The following PRPF3 variants were observed in gnomAD, a reference collection of about 807,000 sequenced individuals.
PRPF3 encodes the protein pre-mRNA processing factor 3.
Under a neutral mutation model 89.2 loss-of-function variants are expected in PRPF3, and 3 were observed. The observed-to-expected ratio is 0.03, with a 90% CI of 0.02 to 0.09. PRPF3 has a LOEUF of 0.09. Ranked by LOEUF, PRPF3 falls within the 10% of genes least tolerant of loss-of-function variation. The pLI is 1.00. For missense variants in PRPF3, 463 were observed against 828.8 expected (o/e 0.56, Z 5.42); for synonymous variants, 270 against 289.1 (o/e 0.93, Z 0.67).
chr1:150,334,783 G>A (rs2101977572), intron 6 of PRPF3, 152 bp from the exon 7 acceptor site: 1 of 896,188 alleles, frequency 1.1e-6, no homozygotes, highest in Non-Finnish European at 1.7e-6. Flanking sequence ...TGGCCAGACT[G>A]GTCTTTAACT....
At position 150,352,825 on chromosome 1, in the gene PRPF3, T is replaced by C; in HGVS notation, c.1906-8T>C. ...TTGAAGTGTTTTTATTATATATCTCTTTTCTAGGGTACAGCCAAAGACCGG... is the reference window on the plus strand; with the variant it reads ...TTGAAGTGTTTTTATTATATATCTCCTTTCTAGGGTACAGCCAAAGACCGG... On this transcript the variant is annotated splice_polypyrimidine_tract_variant and splice_region_variant and intron_variant, in intron 15 of 15. Transcript: ENST00000324862. 1.2e-6 allele frequency: 2 copies of C among 1,613,850 alleles called. No homozygotes were observed. Among genetic ancestry groups the C allele is most frequent in the Non-Finnish European group, 1.7e-6 (2 of 1,179,762 alleles).
chr1:150,347,122 A>G (rs1369970657), intron 14 of PRPF3, among the ~76,000 whole-genome samples: 2 of 151,970 alleles, frequency 1.3e-5, no homozygotes, highest in African/African-American at 4.8e-5. Flanking sequence ...CTAGTAAGCT[A>G]TACATTCATG....
At chr1:150,349,572 A>G (rs1658680010) in intron 15 of PRPF3, among the ~76,000 whole-genome samples, 1 of 152,190 alleles carries the variant, frequency 6.6e-6, no homozygotes. Context: ...TGAAGGAAGT[A>G]CTAGACTTAA....
chr1:150,322,995 C>G (rs781851396), intron 1 of PRPF3, among the ~76,000 whole-genome samples: 6 of 151,568 alleles, frequency 4.0e-5, no homozygotes, highest in Non-Finnish European at 7.4e-5. Flanking sequence ...CTGTCTCAGC[C>G]TCCAGAGTAG....
intron 7 of PRPF3, among the ~76,000 whole-genome samples, 157 bp downstream of exon 7, chr1:150,335,398 T>C (rs1171720491): frequency 6.6e-6 from 1 of 152,188 alleles, no homozygotes; most frequent in East Asian, 1.9e-4. Flanking sequence ...TCATGGAAGA[T>C]AATTTTTCCC....
chr1:150,351,549 G>A (rs1446814574), intron 15 of PRPF3, among the ~76,000 whole-genome samples: 1 of 151,492 alleles, frequency 6.6e-6, no homozygotes, highest in East Asian at 1.9e-4. Context: ...TGCTCAGGCT[G>A]GTGTGCAGTG....
Position 150,352,973 on chromosome 1 carries a change from T to G in PRPF3, c.2046T>G (p.Thr682=), listed in dbSNP as rs782664652. The part of the protein sequence containing the change: ...LALSESVLES[T]D ...TGAGTGAATCTGTGTTAGAGTCCAC[T>G]GATTGAGACTACTGCAAGCCCTTGC... Residue 682 remains threonine (T), a synonymous_variant, in exon 16 of 16, where the codon ACT becomes ACG. Coordinates refer to ENST00000324862, the MANE Select transcript of PRPF3 (RefSeq NM_004698.4). The G allele has an allele frequency of 6.2e-7, 1 of 1,614,070 alleles. No individual in the cohort carries two copies. Among genetic ancestry groups the G allele is most frequent in the Non-Finnish European group, 8.5e-7 (1 of 1,179,996 alleles).
At chr1:150,335,357 T>C in intron 7 of PRPF3, 116 bp downstream of exon 7, 1 of 1,256,926 alleles carries the variant, frequency 8.0e-7, no homozygotes, top group South Asian at 1.3e-5. Flanking sequence ...AAAGCAGCAG[T>C]CCTCAACCTT....
intron 4 of PRPF3, among the ~76,000 whole-genome samples, chr1:150,332,068 C>A (rs193042969): frequency 5.7e-4 from 86 of 151,858 alleles, no homozygotes; most frequent in Admixed American, 1.1e-3. Context: ...ACTAAAAATA[C>A]AAAAAATTAG....
At chr1:150,332,794 G>T (rs1400966169) in intron 5 of PRPF3, 27 bp downstream of exon 5, 1 of 1,609,576 alleles carries the variant, frequency 6.2e-7, no homozygotes, top group Admixed American at 1.7e-5. Flanking sequence ...ACTCTGAACA[G>T]AATAATCTTT....
intron 2 of PRPF3, among the ~76,000 whole-genome samples, chr1:150,325,427 A>G (rs1655592464): frequency 6.6e-6 from 1 of 152,160 alleles, no homozygotes; most frequent in East Asian, 1.9e-4. Context: ...ATACATGAAA[A>G]AGCTTGAAGG....
chr1:150,325,721 C>T (rs1312373151), intron 2 of PRPF3, 30 bp from the exon 3 acceptor site: 3 of 1,607,574 alleles, frequency 1.9e-6, no homozygotes, highest in South Asian at 2.2e-5. Context: ...CTTACCTTTC[C>T]AACCCTACCA....
At chr1:150,350,960 TAA>T (rs781790248) in intron 15 of PRPF3, among the ~76,000 whole-genome samples, 2 of 126,372 alleles carry the variant, frequency 1.6e-5, no homozygotes, top group Non-Finnish European at 3.4e-5. Flanking sequence ...AACCCTGTCT[TAA>T]AAAAAAAAAA....
intron 4 of PRPF3, among the ~76,000 whole-genome samples, chr1:150,331,644 C>T (rs944186882): frequency 6.6e-6 from 1 of 152,138 alleles, no homozygotes; most frequent in Non-Finnish European, 1.5e-5. Context: ...GGATTACAGG[C>T]GTGAGCCACC....
intron 14 of PRPF3, chr1:150,348,809 G>C (rs1658594905): frequency 3.4e-6 from 1 of 292,854 alleles, no homozygotes; most frequent in Non-Finnish European, 6.6e-6. Context: ...TTGGGTGAAA[G>C]TTTTTTGAGA....
chr1:150,328,055 A>G (rs1655916861), intron 3 of PRPF3: 10 of 456,136 alleles, frequency 2.2e-5, no homozygotes, highest in Non-Finnish European at 2.8e-5. Flanking sequence ...ATCATTATAA[A>G]TGTGAGCAGT....
intron 6 of PRPF3, 87 bp downstream of exon 6, chr1:150,333,286 G>T: frequency 1.4e-6 from 2 of 1,424,650 alleles, no homozygotes; most frequent in East Asian, 2.4e-5. Context: ...CTGGCTGGGC[G>T]CAGTGCCTCA....
intron 12 of PRPF3, 150 bp downstream of exon 12, chr1:150,344,697 T>C (rs1213221941): frequency 2.4e-6 from 2 of 850,074 alleles, no homozygotes; most frequent in Non-Finnish European, 3.8e-6. Flanking sequence ...AGCTAGTAAA[T>C]CTTGTAAAAT....
At chr1:150,330,822 T>C (rs587695066) in intron 4 of PRPF3, among the ~76,000 whole-genome samples, 1 of 151,828 alleles carries the variant, frequency 6.6e-6, no homozygotes, top group Non-Finnish European at 1.5e-5. Context: ...GTTCAAGCTA[T>C]TCTTCTGCCT....
Sources: allele counts gnomAD v4.1 joint callset (sites outside exome capture counted in the v4.1 genomes callset), GRCh38; gene constraint gnomAD v4.1.1; transcripts MANE v1.5; gene names NCBI Gene and HGNC (gene_info 2026-07-23, HGNC 2026-07-21).